Variants in ARHGAP35 observed in about 807,000 individuals in gnomAD.
The protein encoded by ARHGAP35 is Rho GTPase activating protein 35.
Under a neutral mutation model 111.1 loss-of-function variants are expected in ARHGAP35, and 15 were observed. That is an observed-to-expected ratio of 0.13 (90% CI 0.09 to 0.21). The LOEUF is 0.21. ARHGAP35 is among the 10% of genes least tolerant of loss of function. ARHGAP35 has a pLI of 1.00. For synonymous variants in ARHGAP35, 643 were observed against 710.3 expected (o/e 0.91, Z 1.51); for missense variants, 1,262 against 1,873.0 (o/e 0.67, Z 6.02).
At chr19:46,882,031 GTTGAA>G (rs1184489315) in intron 1 of ARHGAP35, among the ~76,000 whole-genome samples, 1 of 152,086 alleles carries the variant, frequency 6.6e-6, no homozygotes, top group Admixed American at 6.6e-5. Flanking sequence ...TCTCAGCCCT[GTTGAA>G]TTGAAGAGAG....
At chr19:46,874,382 GA>G (rs1240314820) in intron 1 of ARHGAP35, among the ~76,000 whole-genome samples, 2 of 151,862 alleles carry the variant, frequency 1.3e-5, no homozygotes, top group Non-Finnish European at 2.9e-5. Flanking sequence ...TTATCTTAAA[GA>G]ATTATGTGTG....
At position 47,000,503 on chromosome 19, in the gene ARHGAP35, C is replaced by A. The variant is rs986522562; in HGVS notation, c.4315C>A (p.Arg1439=). 7 of 1,613,724 alleles carry A rather than the reference C, an allele frequency of 4.3e-6. No homozygotes were observed. In the East Asian group the frequency reaches 1.3e-4, roughly 31 times the overall value. Residue 1439 remains arginine, a synonymous_variant, in exon 7 of 7, where the codon CGG becomes AGG. Coordinates refer to ENST00000672722, the MANE Select transcript of ARHGAP35 (RefSeq NM_004491.5). This position sits in a 1 kb window ranked among gnomAD's most constrained non-coding sequence, Gnocchi z 6.9. Reference sequence around the variant, plus strand: ...GCAGTGCCCCTTCTTCTTCTACAATCGGCCCATCACCGAGCCCCCCGGCGC... The same window carrying A: ...GCAGTGCCCCTTCTTCTTCTACAATAGGCCCATCACCGAGCCCCCCGGCGC... ...IQQCPFFFYN[R]PITEPPGARP...
At chr19:46,981,838 T>TTTTGTTTTGTTTTGTTTTGTTTTGA (rs2056622138) in intron 3 of ARHGAP35, among the ~76,000 whole-genome samples, 1 of 150,522 alleles carries the variant, frequency 6.6e-6, no homozygotes, top group African/African-American at 2.4e-5. Context: ...TTTTGTTTTG[T>TTTTGTTTTGTTTTGTTTTGTTTTGA]TTTGTTTTGT....
chr19:46,950,734 G>A (rs572400155), intron 3 of ARHGAP35, among the ~76,000 whole-genome samples: 2 of 152,244 alleles, frequency 1.3e-5, no homozygotes, highest in South Asian at 4.2e-4. Flanking sequence ...CCATTACCTC[G>A]CTGTGGCTCT....
intron 1 of ARHGAP35, among the ~76,000 whole-genome samples, chr19:46,868,499 A>G (rs1448278675): frequency 2.0e-5 from 3 of 152,224 alleles, no homozygotes; most frequent in African/African-American, 7.2e-5. Context: ...TTGAGCACAC[A>G]GTAGGTTCCA....
At chr19:46,868,637 G>A (rs2055870728) in intron 1 of ARHGAP35, among the ~76,000 whole-genome samples, 1 of 152,166 alleles carries the variant, frequency 6.6e-6, no homozygotes, top group South Asian at 2.1e-4. Context: ...AACTGTGTAA[G>A]TAAACTAGTC....
chr19:46,921,523 G>T lies in ARHGAP35; in HGVS notation c.2848G>T (p.Ala950Ser), dbSNP rs1418693915. 6.2e-7 allele frequency: 1 copy of T among 1,613,776 alleles called. No homozygotes were observed. The highest frequency in any genetic ancestry group is 1.3e-5 in the African/African-American group (1 of 74,876). ...DVVEKKNIIE[A>S]THMYDNAAEA... Reference sequence around the variant, plus strand: ...GGTGGAAAAAAAGAACATAATCGAGGCTACTCATATGTACGATAATGCTGC... The same window carrying T: ...GGTGGAAAAAAAGAACATAATCGAGTCTACTCATATGTACGATAATGCTGC... Residue 950 changes from alanine (A) to serine (S), a missense_variant, in exon 2 of 7, where the codon GCT (alanine) becomes TCT (serine). By Grantham distance (99) the Ala-to-Ser change is moderately conservative. Around this residue, in one of 8 missense-constraint regions of ARHGAP35, gnomAD observed 579 missense variants for 716.9 expected, o/e 0.81. Transcript: ENST00000672722. This position sits in a 1 kb window ranked among gnomAD's most constrained non-coding sequence, Gnocchi z 4.3.
intron 2 of ARHGAP35, among the ~76,000 whole-genome samples, chr19:46,925,840 G>T (rs1234225512): frequency 6.6e-6 from 1 of 152,174 alleles, no homozygotes; most frequent in Non-Finnish European, 1.5e-5. Flanking sequence ...TGAACACCGG[G>T]CGTAGTGCAT....
At chr19:46,883,131 G>T (rs1451761230) in intron 1 of ARHGAP35, among the ~76,000 whole-genome samples, 1 of 151,894 alleles carries the variant, frequency 6.6e-6, no homozygotes, top group African/African-American at 2.4e-5. Context: ...GTCTCGCTCT[G>T]TTGCCCAGGT....
intron 3 of ARHGAP35, among the ~76,000 whole-genome samples, chr19:46,975,087 G>A (rs1192462053): frequency 6.6e-6 from 1 of 152,056 alleles, no homozygotes; most frequent in Admixed American, 6.6e-5. Context: ...GGCCAGACTG[G>A]TCTCGAACTC....
chr19:46,971,919 G>GT (rs974938153), intron 3 of ARHGAP35, among the ~76,000 whole-genome samples: 3 of 152,218 alleles, frequency 2.0e-5, no homozygotes, highest in African/African-American at 7.2e-5. Context: ...GTGGTGCACA[G>GT]TTCTTCAGAA....
chr19:46,951,367 C>T (rs145766849), intron 3 of ARHGAP35, among the ~76,000 whole-genome samples: 2 of 152,218 alleles, frequency 1.3e-5, no homozygotes, highest in Non-Finnish European at 2.9e-5. Context: ...TGGGACGTGC[C>T]CAGAGAAACC....
chr19:46,954,082 G>A (rs1194073346), intron 3 of ARHGAP35, among the ~76,000 whole-genome samples: 1 of 152,156 alleles, frequency 6.6e-6, no homozygotes, highest in African/African-American at 2.4e-5. Flanking sequence ...TGCCATGTGA[G>A]GACACGAGAA....
intron 1 of ARHGAP35, among the ~76,000 whole-genome samples, chr19:46,867,366 C>CT (rs1036805237): frequency 1.1e-4 from 16 of 152,144 alleles, no homozygotes; most frequent in African/African-American, 3.9e-4. Flanking sequence ...GGATGATGCC[C>CT]TCGTCCTGGC....
In ARHGAP35 at chr19:46,989,700, G is replaced by A; in HGVS notation, c.4036+25G>A. On this transcript the variant is annotated intron_variant, in intron 5 of 6. Transcript: ENST00000672722. This position sits in a 1 kb window ranked among gnomAD's most constrained non-coding sequence, Gnocchi z 5.3. ...AGTGAGTACCGGCAGCCCAGTGTTGGGCGGATTGAGGGAGAAAGGGCTTGG... is the reference window on the plus strand; with the variant it reads ...AGTGAGTACCGGCAGCCCAGTGTTGAGCGGATTGAGGGAGAAAGGGCTTGG... The A allele has an allele frequency of 6.2e-7, 1 of 1,613,224 alleles. No homozygotes were observed. The highest frequency in any genetic ancestry group is 8.5e-7 in the Non-Finnish European group (1 of 1,179,562).
intron 5 of ARHGAP35, chr19:46,997,723 G>A (rs2056720176): frequency 6.6e-6 from 1 of 152,162 alleles, no homozygotes; most frequent in South Asian, 2.1e-4. Flanking sequence ...CTCTCACCAG[G>A]GTGCTTGTGC....
At position 46,874,501 on chromosome 19, in the gene ARHGAP35, C is replaced by CTTT. The variant is rs758783354; in HGVS notation, c.-189+13310_-189+13312dup. 7.2e-4 allele frequency among the ~76,000 whole-genome samples: 82 copies of CTTT among 114,436 alleles called. 1 individual carries two copies. The highest frequency in any genetic ancestry group is 8.3e-4 in the Non-Finnish European group (48 of 57,576). The allele number at this position is 114,436 out of a possible 152,430, so 75.1% of individuals were successfully genotyped here. A position where few individuals can be genotyped will look rare whatever the true frequency, so the allele number is the denominator to read the frequency against. ...TCCAAGCTCATGTTTTATGTTTTGT[C>CTTT]TTTTTTTTTTTTTTTTTTTTGAGTC... On this transcript the variant is annotated intron_variant, in intron 1 of 6. Transcript: ENST00000672722.
At chr19:46,897,856 T>TG (rs1356103616) in intron 1 of ARHGAP35, among the ~76,000 whole-genome samples, 1 of 152,192 alleles carries the variant, frequency 6.6e-6, no homozygotes, top group African/African-American at 2.4e-5. Flanking sequence ...GAAAGGGCTT[T>TG]GGAATCCTTT....
Position 46,882,026 on chromosome 19 carries a change from G to A in ARHGAP35, c.-189+20817G>A, listed in dbSNP as rs186327291. Reference sequence around the variant, plus strand: ...CTCTGTAGCTTCCTCGCCTCTCTCAGCCCTGTTGAATTGAAGAGAGTTAGG... The same window carrying A: ...CTCTGTAGCTTCCTCGCCTCTCTCAACCCTGTTGAATTGAAGAGAGTTAGG... On this transcript the variant is annotated intron_variant, in intron 1 of 6. Transcript: ENST00000672722. 4.8e-4 allele frequency among the ~76,000 whole-genome samples: 73 copies of A among 152,260 alleles called. No individual in the cohort carries two copies. The East Asian group carries it at 0.013, about 27-fold the overall frequency.
Sources: allele counts gnomAD v4.1 joint callset (sites outside exome capture counted in the v4.1 genomes callset), GRCh38; gene constraint gnomAD v4.1.1; regional missense constraint gnomAD v4.1.1; non-coding constraint Gnocchi (gnomAD v3.1); transcripts MANE v1.5; gene names NCBI Gene and HGNC (gene_info 2026-07-23, HGNC 2026-07-21).